The following FUT8 variants were observed in gnomAD, a reference collection of about 807,000 sequenced individuals.
FUT8 encodes the protein fucosyltransferase 8.
FUT8 carries 29 observed loss-of-function variants against 71.3 expected under a neutral mutation model. The observed-to-expected ratio is 0.41, with a 90% CI of 0.30 to 0.55. FUT8 has a LOEUF of 0.55. FUT8 is among the 20% of genes least tolerant of loss of function. FUT8 has a pLI of 0.34. For synonymous variants in FUT8, 254 were observed against 239.3 expected (o/e 1.06, Z -0.57); for missense variants, 544 against 702.1 (o/e 0.77, Z 2.55).
chr14:65,560,618 G>A (rs1238837397), intron 2 of FUT8, among the ~76,000 whole-genome samples: 1 of 152,194 alleles, frequency 6.6e-6, no homozygotes, highest in Non-Finnish European at 1.5e-5. Context: ...AAAAGAATGT[G>A]CATTTGTAGT....
At chr14:65,665,729 A>G (rs1216024329) in intron 6 of FUT8, among the ~76,000 whole-genome samples, 1 of 152,192 alleles carries the variant, frequency 6.6e-6, no homozygotes, top group Non-Finnish European at 1.5e-5. Flanking sequence ...TCATACATAT[A>G]CACCATGGAA....
rs1445013461 is a variant in FUT8 at position 65,742,462 on chromosome 14, C to G, written c.*52C>G. 1.3e-6 allele frequency: 2 copies of G among 1,506,968 alleles called. No homozygotes were observed. Among genetic ancestry groups the G allele is most frequent in the South Asian group, 1.2e-5 (1 of 80,618 alleles). The allele number at this position is 1,506,968 out of a possible 1,614,324, so 93.3% of individuals were successfully genotyped here. ...AAACTCAGTTCGACCAAACTCAGTT[C>G]AAACCATTTCAGCCAAACTGTAGAT... On this transcript the variant is annotated 3_prime_UTR_variant, in exon 11 of 11. Transcript: ENST00000673929.
chr14:65,506,321 T>G (rs1251267908), intron 2 of FUT8, among the ~76,000 whole-genome samples: 1 of 152,176 alleles, frequency 6.6e-6, no homozygotes, highest in East Asian at 1.9e-4. Flanking sequence ...GAAAAACAAT[T>G]TAGCTGTATT....
intron 3 of FUT8, among the ~76,000 whole-genome samples, chr14:65,606,378 A>C (rs994012467): frequency 1.3e-5 from 2 of 151,706 alleles, no homozygotes; most frequent in African/African-American, 2.4e-5. Flanking sequence ...TGCCCTGCCC[A>C]AAAATTTTTA....
At chr14:65,369,608 C>T in the FUT8 span, among the ~76,000 whole-genome samples, 1 of 152,180 alleles carries the variant, frequency 6.6e-6, no homozygotes, top group Non-Finnish European at 1.5e-5. The surrounding 1 kb of genome is among the most constrained non-coding windows in gnomAD (Gnocchi z 4.6). Flanking sequence ...GACCTCTGGT[C>T]CTCCTCACTG....
chr14:65,677,114 TTGTGTGTGTGTGTGTGTGTG>T (rs1555383258), intron 7 of FUT8, among the ~76,000 whole-genome samples: 3 of 110,216 alleles, frequency 2.7e-5, no homozygotes, highest in African/African-American at 9.9e-5. Flanking sequence ...AAAGACATAT[TTGTGTGTGTGTGTGTGTGTG>T]TGTGTGTGTG....
intron 6 of FUT8, among the ~76,000 whole-genome samples, chr14:65,640,861 CTTGAA>C (rs1890792536): frequency 1.3e-5 from 2 of 152,030 alleles, no homozygotes; most frequent in South Asian, 2.1e-4. Context: ...AAAAACCTAA[CTTGAA>C]TTGACTATAG....
chr14:65,439,363 A>G (rs937777250), intron 1 of FUT8, among the ~76,000 whole-genome samples: 2 of 152,172 alleles, frequency 1.3e-5, no homozygotes, highest in Non-Finnish European at 2.9e-5. Flanking sequence ...GGAGGGAAAC[A>G]AGTCAGTCTT....
rs2140371385 is a variant in FUT8 at position 65,669,150 on chromosome 14, G to A, written c.598-93G>A. Reference sequence around the variant, plus strand: ...TTATCTATAGAACAAACCTGCATGTGTACCCCTGAAGATGAAAGATTAAAA... The same window carrying A: ...TTATCTATAGAACAAACCTGCATGTATACCCCTGAAGATGAAAGATTAAAA... On this transcript the variant is annotated intron_variant, in intron 6 of 10. Transcript: ENST00000673929. The surrounding 1 kb of genome is among the most constrained non-coding windows in gnomAD (Gnocchi z 4.5). The A allele has an allele frequency of 1.1e-6, 1 of 885,900 alleles. No individual in the cohort carries two copies. The highest frequency in any genetic ancestry group is 1.7e-6 in the Non-Finnish European group (1 of 577,678). The allele number at this position is 885,900 out of a possible 1,614,324, so 54.9% of individuals were successfully genotyped here.
chr14:65,471,394 G>A (rs912821364), intron 2 of FUT8, among the ~76,000 whole-genome samples: 1 of 151,912 alleles, frequency 6.6e-6, no homozygotes, highest in Non-Finnish European at 1.5e-5. Flanking sequence ...AGTTCCTGGC[G>A]TATTTCAAAA....
intron 3 of FUT8, among the ~76,000 whole-genome samples, chr14:65,596,312 T>C (rs1481230006): frequency 6.6e-6 from 1 of 152,240 alleles, no homozygotes; most frequent in African/African-American, 2.4e-5. Flanking sequence ...CATCTTTTTA[T>C]TTGGATGTGA....
At chr14:65,717,553 C>T in intron 7 of FUT8, among the ~76,000 whole-genome samples, 1 of 131,354 alleles carries the variant, frequency 7.6e-6, no homozygotes, top group Middle Eastern at 6.3e-3. Flanking sequence ...TCCTCACATC[C>T]CAGACGATGG....
chr14:65,430,378 C>G (rs756342259), intron 1 of FUT8: 1 of 152,014 alleles, frequency 6.6e-6, no homozygotes, highest in Non-Finnish European at 1.5e-5. Context: ...TTAAAAGTCC[C>G]ACTGAATTTT....
chr14:65,724,627 A>G (rs368094648), intron 9 of FUT8, among the ~76,000 whole-genome samples: 3 of 152,210 alleles, frequency 2.0e-5, no homozygotes, highest in East Asian at 1.9e-4. Context: ...AATCTTCACT[A>G]GTCTGTTGGA....
At chr14:65,421,747 C>CT (rs1555359420) in intron 1 of FUT8, among the ~76,000 whole-genome samples, 4,764 of 79,024 alleles carry the variant, frequency 0.06, 849 homozygotes, top group Middle Eastern at 0.18. Context: ...CCACCCCCCC[C>CT]TTTTTTTTTT....
At chr14:65,512,788 A>G (rs549903498) in intron 2 of FUT8, among the ~76,000 whole-genome samples, 10 of 151,764 alleles carry the variant, frequency 6.6e-5, no homozygotes, top group Non-Finnish European at 1.5e-4. Context: ...GGGCGCCTGT[A>G]ATCCTAGCTA....
intron 3 of FUT8, among the ~76,000 whole-genome samples, chr14:65,563,340 T>C (rs922329160): frequency 4.3e-4 from 66 of 152,102 alleles, no homozygotes; most frequent in African/African-American, 1.6e-3. Flanking sequence ...ACACTATCTT[T>C]ATGAGATGTT....
At chr14:65,731,515 G>A (rs1393021327) in intron 9 of FUT8, among the ~76,000 whole-genome samples, 1 of 152,142 alleles carries the variant, frequency 6.6e-6, no homozygotes. Flanking sequence ...CATTATGAAA[G>A]GTGTACAATT....
intron 2 of FUT8, among the ~76,000 whole-genome samples, chr14:65,541,328 G>A (rs934221510): frequency 9.9e-5 from 15 of 152,226 alleles, no homozygotes; most frequent in Non-Finnish European, 1.9e-4. Context: ...CATTCAAGAT[G>A]TCCCACCATA....
Sources: gnomAD v4.1 joint callset for allele counts (sites outside exome capture counted in the v4.1 genomes callset) on GRCh38, gnomAD v4.1.1 for gene constraint, Gnocchi (gnomAD v3.1) non-coding constraint, MANE v1.5 for transcripts, NCBI Gene and HGNC (gene_info 2026-07-23, HGNC 2026-07-21) for gene names.